Variants in TPRG1 observed in about 807,000 individuals in gnomAD.
TPRG1 encodes the protein tumor protein p63-regulated gene 1 protein.
Under a neutral mutation model 29.3 loss-of-function variants are expected in TPRG1, and 29 were observed. The ratio of observed to expected loss-of-function variants is 0.99; its 90% CI spans 0.74 to 1.35. TPRG1 has a LOEUF of 1.35. TPRG1 is among the 40% of genes most tolerant of loss of function. TPRG1 has a pLI of 0.00. For missense variants in TPRG1, 327 were observed against 335.0 expected (o/e 0.98, Z 0.19); for synonymous variants, 130 against 116.8 (o/e 1.11, Z -0.73).
At chr3:189,029,177 C>G (rs1220625054) in intron 4 of TPRG1, among the ~76,000 whole-genome samples, 2 of 151,718 alleles carry the variant, frequency 1.3e-5, no homozygotes, top group Non-Finnish European at 2.9e-5. Context: ...GCTAAGGGAG[C>G]CAGAGAAAAT....
At chr3:189,163,564 A>G (rs1727759808) in intron 5 of TPRG1, among the ~76,000 whole-genome samples, 1 of 152,208 alleles carries the variant, frequency 6.6e-6, no homozygotes, top group South Asian at 2.1e-4. Context: ...TAACATTCAT[A>G]GGAGATAAAC....
chr3:189,181,177 C>T (rs865967236), intron 1 of TPRG1, among the ~76,000 whole-genome samples: 7 of 152,194 alleles, frequency 4.6e-5, no homozygotes, highest in African/African-American at 1.4e-4. Context: ...TCTTAGGCCT[C>T]CCAGCCTGTG....
intron 3 of TPRG1, among the ~76,000 whole-genome samples, chr3:189,021,332 G>A (rs1713294399): frequency 6.6e-6 from 1 of 151,640 alleles, no homozygotes; most frequent in Non-Finnish European, 1.5e-5. Flanking sequence ...AGTCTCGATG[G>A]TCTTTACATT....
chr3:189,215,961 C>G (rs1403180058), intron 3 of TPRG1, among the ~76,000 whole-genome samples: 1 of 152,120 alleles, frequency 6.6e-6, no homozygotes, highest in Admixed American at 6.5e-5. Context: ...ATTATCTTAT[C>G]CATAAGAGCT....
intron 5 of TPRG1, among the ~76,000 whole-genome samples, chr3:189,156,453 T>G (rs535008755): frequency 2.8e-4 from 42 of 151,992 alleles, no homozygotes; most frequent in African/African-American, 9.9e-4. Context: ...GGAGTTAGAG[T>G]CAGTGATGTT....
At chr3:189,020,221 C>A (rs1490384432) in intron 3 of TPRG1, among the ~76,000 whole-genome samples, 4 of 149,458 alleles carry the variant, frequency 2.7e-5, no homozygotes, top group Non-Finnish European at 6.0e-5. Context: ...TTTTTTGTGT[C>A]TCTATTTCCT....
chr3:189,121,497 T>G (rs956199968), intron 1 of TPRG1: 1 of 152,232 alleles, frequency 6.6e-6, no homozygotes, highest in African/African-American at 2.4e-5. Flanking sequence ...GCAACTTGAA[T>G]CTTTGACTCA....
chr3:189,207,334 A>G (rs1262385769), intron 1 of TPRG1, 42 bp from the exon 2 acceptor site: 1 of 1,606,184 alleles, frequency 6.2e-7, no homozygotes, highest in East Asian at 2.2e-5. Context: ...ACAGGTACAG[A>G]GGTAACATTT....
intron 1 of TPRG1, among the ~76,000 whole-genome samples, chr3:189,123,186 A>G (rs1258569290): frequency 2.0e-5 from 3 of 152,226 alleles, no homozygotes; most frequent in African/African-American, 7.2e-5. Flanking sequence ...TATCCTGTAA[A>G]GCATGCAAAA....
chr3:189,097,825 T>C (rs1415218487), upstream of TPRG1, among the ~76,000 whole-genome samples: 1 of 152,198 alleles, frequency 6.6e-6, no homozygotes, highest in African/African-American at 2.4e-5. Flanking sequence ...GGACCTTGTG[T>C]CTTCTCTGAA....
At chr3:189,222,555 C>G (rs562274881) in intron 3 of TPRG1, among the ~76,000 whole-genome samples, 1 of 152,282 alleles carries the variant, frequency 6.6e-6, no homozygotes, top group East Asian at 1.9e-4. Context: ...GCAATGCTAA[C>G]CCCTAGTTCT....
intron 4 of TPRG1, among the ~76,000 whole-genome samples, chr3:189,277,176 C>A (rs1716299940): frequency 6.6e-6 from 1 of 152,192 alleles, no homozygotes; most frequent in Non-Finnish European, 1.5e-5. Flanking sequence ...ACCAAGGCAG[C>A]TTTCCCTACA....
intron 4 of TPRG1, among the ~76,000 whole-genome samples, chr3:189,291,560 T>G (rs1576980337): frequency 6.6e-6 from 1 of 152,326 alleles, no homozygotes; most frequent in Non-Finnish European, 1.5e-5. Flanking sequence ...TGAATGGATA[T>G]GATACTATTA....
At chr3:189,273,959 G>C (rs1416333698) in intron 4 of TPRG1, among the ~76,000 whole-genome samples, 1 of 152,168 alleles carries the variant, frequency 6.6e-6, no homozygotes, top group African/African-American at 2.4e-5. Flanking sequence ...ATGACTAAGG[G>C]AGTGTCTGCC....
intron 4 of TPRG1, among the ~76,000 whole-genome samples, chr3:189,306,627 C>T (rs1185755168): frequency 6.6e-6 from 1 of 152,094 alleles, no homozygotes; most frequent in Non-Finnish European, 1.5e-5. Flanking sequence ...TATTCTTTAA[C>T]TTATTTCCTG....
intron 2 of TPRG1, among the ~76,000 whole-genome samples, chr3:189,002,194 A>G (rs1712060780): frequency 6.6e-6 from 1 of 152,224 alleles, no homozygotes; most frequent in Admixed American, 6.5e-5. Context: ...TCATGGGCCC[A>G]GGCCACCCTG....
At chr3:189,246,183 G>A (rs949490768) in intron 4 of TPRG1, among the ~76,000 whole-genome samples, 1 of 151,848 alleles carries the variant, frequency 6.6e-6, no homozygotes, top group Non-Finnish European at 1.5e-5. Flanking sequence ...TTTTATAAAG[G>A]GCAGTTCCTC....
chr3:189,225,407 C>A (rs1365747663), intron 3 of TPRG1, among the ~76,000 whole-genome samples: 1 of 152,168 alleles, frequency 6.6e-6, no homozygotes, highest in Non-Finnish European at 1.5e-5. Flanking sequence ...TATAGGCATT[C>A]TATCTTAAGT....
chr3:189,112,627 T>C (rs1720671763), intron 1 of TPRG1, among the ~76,000 whole-genome samples: 1 of 152,212 alleles, frequency 6.6e-6, no homozygotes, highest in Non-Finnish European at 1.5e-5. Context: ...ATTTATTAAA[T>C]AGGGAATCCT....
Sources: allele counts gnomAD v4.1 joint callset (sites outside exome capture counted in the v4.1 genomes callset), GRCh38; gene constraint gnomAD v4.1.1; transcripts MANE v1.5; gene names NCBI Gene and HGNC (gene_info 2026-07-23, HGNC 2026-07-21).